Variants in ENOPH1 observed in about 807,000 individuals in gnomAD.
The protein encoded by ENOPH1 is enolase-phosphatase 1, also known as enolase-phosphatase E1.
In ENOPH1, 14 loss-of-function variants were observed where a neutral mutation model predicts 31.1. That is an observed-to-expected ratio of 0.45 (90% CI 0.30 to 0.70). The LOEUF (loss-of-function observed/expected upper bound fraction) is 0.70, where lower values mean the gene tolerates loss of function less well. Ranked by LOEUF, ENOPH1 falls within the 30% of genes least tolerant of loss-of-function variation. The pLI, the probability that ENOPH1 is intolerant of heterozygous loss-of-function variation, is 0.09. For missense variants in ENOPH1, 243 were observed against 321.5 expected (o/e 0.76, Z 1.87); for synonymous variants, 127 against 123.2 (o/e 1.03, Z -0.21).
At chr4:82,441,875 C>T (rs1050253756) in intron 1 of ENOPH1, among the ~76,000 whole-genome samples, 2 of 152,212 alleles carry the variant, frequency 1.3e-5, no homozygotes, top group Non-Finnish European at 2.9e-5. Flanking sequence ...TGGCAGTAAA[C>T]ATCTGTGGGA....
rs192406681 is a variant in ENOPH1, at chr4:82,454,641, A to G, written c.390-81A>G. The G allele has an allele frequency of 2.0e-6, 3 of 1,476,910 alleles. No homozygotes were observed. In the Admixed American group the frequency reaches 6.6e-5, roughly 33 times the overall value. The allele number at this position is 1,476,910 out of a possible 1,614,324, so 91.5% of individuals were successfully genotyped here. On this transcript the variant is annotated intron_variant, in intron 3 of 5. Transcript: ENST00000273920. Reference sequence around the variant, plus strand: ...TTACCATGTGGGCACAAAGAGAGAAACATATGGCATCTGTTTTGACAGGTT... The same window carrying G: ...TTACCATGTGGGCACAAAGAGAGAAGCATATGGCATCTGTTTTGACAGGTT...
intron 1 of ENOPH1, among the ~76,000 whole-genome samples, chr4:82,441,107 T>A (rs1257793449): frequency 6.6e-6 from 1 of 152,212 alleles, no homozygotes; most frequent in South Asian, 2.1e-4. Context: ...ATTCTCGTTG[T>A]TAGAAGTATT....
At chr4:82,459,830 C>T in intron 5 of ENOPH1, 151 bp from the exon 6 acceptor site, 1 of 705,948 alleles carries the variant, frequency 1.4e-6, no homozygotes. Context: ...TATAGTCAAC[C>T]CCAGGGTGCC....
At chr4:82,453,111 C>A (rs1722396440) in intron 3 of ENOPH1, among the ~76,000 whole-genome samples, 1 of 151,770 alleles carries the variant, frequency 6.6e-6, no homozygotes, top group East Asian at 2.0e-4. Context: ...CCGTGTTAGC[C>A]AGGATGCTCT....
At chr4:82,441,398 A>G (rs905893069) in intron 1 of ENOPH1, among the ~76,000 whole-genome samples, 4 of 152,136 alleles carry the variant, frequency 2.6e-5, no homozygotes, top group African/African-American at 4.8e-5. Flanking sequence ...CAAGGTGGGC[A>G]GATCACGAGG....
Position 82,460,292 on chromosome 4 carries a change from G to T in ENOPH1, c.*172G>T. ...TTCCATAGGTACATAAGTGAAAGAA[G>T]TCTCAGTTCAGTGAACACAAAACTT... is the stretch of plus-strand genomic sequence containing the variant. On this transcript the variant is annotated 3_prime_UTR_variant, in exon 6 of 6. Coordinates refer to ENST00000273920, the MANE Select transcript of ENOPH1 (RefSeq NM_021204.5). The T allele has an allele frequency of 5.3e-6, 3 of 564,008 alleles. No homozygotes were observed. Among genetic ancestry groups the T allele is most frequent in the South Asian group, 3.1e-5 (1 of 32,748 alleles). 34.9% of individuals were successfully genotyped at this position (564,008 alleles called of 1,614,324 possible). A position where few individuals can be genotyped will look rare whatever the true frequency, so the allele number is the denominator to read the frequency against.
In ENOPH1 at chr4:82,447,918, A is replaced by G. The variant is rs926593930; in HGVS notation, c.85-2A>G. 1.3e-6 allele frequency: 2 copies of G among 1,588,688 alleles called. No homozygotes were observed. The highest frequency in any genetic ancestry group is 1.1e-5 in the South Asian group (1 of 88,392). ...TGTATTTTCTTTTACTCTTTTATCC[A>G]GGACATTTTATTTCCTTACATCGAA... is the stretch of plus-strand genomic sequence containing the variant. On this transcript the variant is annotated splice_acceptor_variant, in intron 1 of 5. Transcript: ENST00000273920. LOFTEE classifies it high-confidence loss of function.
At position 82,430,897 on chromosome 4, in the gene ENOPH1, C is replaced by T; in HGVS notation, c.68C>T (p.Pro23Leu). The T allele has an allele frequency of 3.1e-6, 5 of 1,614,168 alleles. No homozygotes were observed. Among genetic ancestry groups the T allele is most frequent in the Non-Finnish European group, 3.4e-6 (4 of 1,179,966 alleles). ...TTAGATATCGAAGGTACCACAACCC[C>T]GATTGCTTTCGTGAAGGTGAGGGGC... ...ILLDIEGTTTPIAFVKDILFP... is the reference protein window; with the variant it reads ...ILLDIEGTTTLIAFVKDILFP... Residue 23 changes from proline to leucine, a missense_variant, in exon 1 of 6, where the codon CCG (proline) becomes CTG (leucine). Pro to Leu is a moderately conservative substitution (Grantham distance 98, BLOSUM62 -3). Coordinates refer to ENST00000273920, the MANE Select transcript of ENOPH1 (RefSeq NM_021204.5).
At chr4:82,442,289 T>C (rs920555976) in intron 1 of ENOPH1, among the ~76,000 whole-genome samples, 4 of 152,122 alleles carry the variant, frequency 2.6e-5, no homozygotes, top group Non-Finnish European at 5.9e-5. Context: ...GAGGCCAAGA[T>C]GCGGGGGATC....
chr4:82,449,481 A>C (rs1427823442), intron 2 of ENOPH1, among the ~76,000 whole-genome samples: 1 of 152,188 alleles, frequency 6.6e-6, no homozygotes, highest in Non-Finnish European at 1.5e-5. Context: ...GCAAAGCCGG[A>C]GCAGGCGTCT....
At chr4:82,453,123 G>C (rs561809994) in intron 3 of ENOPH1, among the ~76,000 whole-genome samples, 2 of 151,906 alleles carry the variant, frequency 1.3e-5, no homozygotes, top group Admixed American at 6.6e-5. Flanking sequence ...GGATGCTCTC[G>C]ATCTCCTGAC....
At position 82,460,049 on chromosome 4, in the gene ENOPH1, A is replaced by G; in HGVS notation, c.715A>G (p.Thr239Ala). 1 of 1,614,192 alleles carries G rather than the reference A, an allele frequency of 6.2e-7. No homozygotes were observed. Among genetic ancestry groups the G allele is most frequent in the Non-Finnish European group, 8.5e-7 (1 of 1,180,022 alleles). ...VVVRPGNAGL[T>A]DDEKTYYSLI... is the part of the protein sequence containing the mutation. Reference sequence around the variant, plus strand: ...GGTGAGACCAGGCAACGCAGGATTAACAGATGATGAGAAGACTTACTACAG... The same window carrying G: ...GGTGAGACCAGGCAACGCAGGATTAGCAGATGATGAGAAGACTTACTACAG... The change falls in exon 6 of 6, where the codon ACA becomes GCA. Residue 239 changes from threonine (T) to alanine (A), a missense_variant. Thr to Ala is a moderately conservative substitution (Grantham distance 58, BLOSUM62 0). Transcript: ENST00000273920.
rs1444568818 is a variant in ENOPH1 at position 82,438,830 on chromosome 4, TC to T, written c.84+7918del. Among the ~76,000 whole-genome samples, 260 of 152,362 alleles carry T rather than the reference TC, an allele frequency of 1.7e-3. 1 individual carries two copies. The highest frequency in any genetic ancestry group is 5.9e-3 in the African/African-American group (246 of 41,590). Reference sequence around the variant, plus strand: ...CTTTGTCTGATGGGTCTTAAAATTTTCTATCCTTGCAGCTTACCCTGTGTTA... The same window carrying T: ...CTTTGTCTGATGGGTCTTAAAATTTTTATCCTTGCAGCTTACCCTGTGTTA... On this transcript the variant is annotated intron_variant, in intron 1 of 5. Coordinates refer to ENST00000273920, the MANE Select transcript of ENOPH1 (RefSeq NM_021204.5).
In ENOPH1 at chr4:82,460,830, C is replaced by T. The variant is rs922805353; in HGVS notation, c.*710C>T. ...TAACAGAACAGTTCTAATCCTGCCACGTGTTATCATTATAGATTTTATAGT... is the reference window on the plus strand; with the variant it reads ...TAACAGAACAGTTCTAATCCTGCCATGTGTTATCATTATAGATTTTATAGT... On this transcript the variant is annotated 3_prime_UTR_variant, in exon 6 of 6. Transcript: ENST00000273920. 4.6e-5 allele frequency: 7 copies of T among 152,180 alleles called. No homozygotes were observed. The highest frequency in any genetic ancestry group is 1.4e-4 in the African/African-American group (6 of 41,450). 9.4% of individuals were successfully genotyped at this position (152,180 alleles called of 1,614,324 possible). A position where few individuals can be genotyped will look rare whatever the true frequency, so the allele number is the denominator to read the frequency against.
Position 82,430,637 on chromosome 4 carries a change from C to T in ENOPH1, c.-193C>T. Reference sequence around the variant, plus strand: ...TGCTCACGAGTTCAGGGCTCCTGGGCGGCCGCCTTTTCCAGTTCCAGGTGT... The same window carrying T: ...TGCTCACGAGTTCAGGGCTCCTGGGTGGCCGCCTTTTCCAGTTCCAGGTGT... On this transcript the variant is annotated 5_prime_UTR_variant, in exon 1 of 6. Transcript: ENST00000273920. 5.2e-6 allele frequency: 3 copies of T among 576,202 alleles called. No homozygotes were observed. Among genetic ancestry groups the T allele is most frequent in the Non-Finnish European group, 9.3e-6 (3 of 322,782 alleles). 35.7% of individuals were successfully genotyped at this position (576,202 alleles called of 1,614,324 possible). A position where few individuals can be genotyped will look rare whatever the true frequency, so the allele number is the denominator to read the frequency against.
intron 1 of ENOPH1, among the ~76,000 whole-genome samples, chr4:82,442,355 A>G (rs1396042494): frequency 1.3e-5 from 2 of 152,108 alleles, no homozygotes; most frequent in African/African-American, 4.8e-5. Flanking sequence ...CCCCATCTCT[A>G]CTAAAAATGC....
In ENOPH1 at chr4:82,446,674, TTTG is replaced by T. The variant is rs1307417937; in HGVS notation, c.85-1244_85-1242del. On this transcript the variant is annotated intron_variant, in intron 1 of 5. Coordinates refer to ENST00000273920, the MANE Select transcript of ENOPH1 (RefSeq NM_021204.5). Reference sequence around the variant, plus strand: ...GTTTTGCACATCACTTTTTTTTTTTTTTGTGTGACGGAATCTTTTTTTTTTTTT... The same window carrying T: ...GTTTTGCACATCACTTTTTTTTTTTTTGTGACGGAATCTTTTTTTTTTTTT... Among the ~76,000 whole-genome samples the T allele has an allele frequency of 3.4e-5, 5 of 147,690 alleles. No homozygotes were observed. The South Asian group carries it at 6.3e-4, about 19-fold the overall frequency.
intron 3 of ENOPH1, among the ~76,000 whole-genome samples, chr4:82,453,157 C>G (rs1722399042): frequency 6.6e-6 from 1 of 152,188 alleles, no homozygotes; most frequent in African/African-American, 2.4e-5. Flanking sequence ...CCCCCTTGGC[C>G]TCCCAAAGTG....
At chr4:82,441,477 C>T (rs1722037942) in intron 1 of ENOPH1, among the ~76,000 whole-genome samples, 2 of 151,924 alleles carry the variant, frequency 1.3e-5, no homozygotes, top group South Asian at 2.1e-4. Context: ...AAAAAATTGG[C>T]CGGGTGTGGT....
Sources: gnomAD v4.1 joint callset for allele counts (sites outside exome capture counted in the v4.1 genomes callset) on GRCh38, gnomAD v4.1.1 for gene constraint, MANE v1.5 for transcripts, NCBI Gene and HGNC (gene_info 2026-07-23, HGNC 2026-07-21) for gene names.